Variants in PDE3B observed in about 807,000 individuals in gnomAD.
PDE3B encodes the protein phosphodiesterase 3B.
PDE3B carries 66 observed loss-of-function variants against 116.8 expected under a neutral mutation model. The ratio of observed to expected loss-of-function variants is 0.56; its 90% CI spans 0.46 to 0.69. The LOEUF (loss-of-function observed/expected upper bound fraction) is 0.69, where lower values mean the gene tolerates loss of function less well. Among genes scored for constraint, PDE3B ranks in the 30% least tolerant of loss-of-function variants. PDE3B has a pLI of 0.00. For missense variants in PDE3B, 1,384 were observed against 1,368.1 expected, an observed-to-expected ratio of 1.01 and a Z score of -0.18; for synonymous variants, 595 against 533.6, an observed-to-expected ratio of 1.12 and a Z score of -1.59.
intron 12 of PDE3B, among the ~76,000 whole-genome samples, chr11:14,851,315 T>C (rs1847745430): frequency 6.6e-6 from 1 of 152,156 alleles, no homozygotes; most frequent in Admixed American, 6.5e-5. Context: ...ATTCTATGTT[T>C]AAACCTTGGC....
At chr11:14,878,460 C>T in the PDE3B span, among the ~76,000 whole-genome samples, 1 of 152,050 alleles carries the variant, frequency 6.6e-6, no homozygotes, top group Non-Finnish European at 1.5e-5. Flanking sequence ...TAGAAATTGA[C>T]ACTTCAGCAA....
intron 1 of PDE3B, among the ~76,000 whole-genome samples, chr11:14,734,584 CTTATA>C (rs895143136): frequency 3.3e-5 from 5 of 152,050 alleles, no homozygotes; most frequent in African/African-American, 1.2e-4. Context: ...ACTTTTTCTT[CTTATA>C]TTAATAATAT....
intron 4 of PDE3B, among the ~76,000 whole-genome samples, chr11:14,800,175 C>T (rs1240049125): frequency 1.3e-5 from 2 of 152,116 alleles, no homozygotes; most frequent in Admixed American, 1.3e-4. Context: ...TTTTATTTCT[C>T]CTTCACTTAT....
In PDE3B at chr11:14,830,803, A is replaced by C; in HGVS notation, c.1913A>C (p.Asp638Ala). 6.5e-7 allele frequency: 1 copy of C among 1,540,176 alleles called. No homozygotes were observed. Among genetic ancestry groups the C allele is most frequent in the Non-Finnish European group, 8.7e-7 (1 of 1,149,474 alleles). ...AGCAGAAAATTATTTCAGGAAGGTG[A>C]TAAGTGGCTAACAGAAGAGGCACAG... ...KDSRKLFQEG[D>A]KWLTEEAQSE... is the part of the protein sequence containing the mutation. Residue 638 changes from aspartate to alanine, a missense_variant, in exon 8 of 16, where the codon GAT (aspartate) becomes GCT (alanine). By Grantham distance (126) the Asp-to-Ala change is moderately radical (BLOSUM62 -2). This residue lies in a region of PDE3B where 956 missense variants were observed against 806.8 expected (regional missense o/e 1.18). Transcript: ENST00000282096.
intron 7 of PDE3B, among the ~76,000 whole-genome samples, chr11:14,829,298 C>T (rs1479377503): frequency 6.6e-6 from 1 of 151,910 alleles, no homozygotes; most frequent in Non-Finnish European, 1.5e-5. Context: ...TACCACTAAA[C>T]TTAAAAAATA....
intron 14 of PDE3B, among the ~76,000 whole-genome samples, chr11:14,864,091 A>G (rs1051719636): frequency 6.6e-6 from 1 of 152,208 alleles, no homozygotes; most frequent in East Asian, 1.9e-4. Context: ...TAGGCTCAAA[A>G]TAAAGGGATG....
intron 5 of PDE3B, among the ~76,000 whole-genome samples, chr11:14,814,128 GTATC>G (rs1301263383): frequency 6.6e-6 from 1 of 152,040 alleles, no homozygotes; most frequent in Non-Finnish European, 1.5e-5. Flanking sequence ...ATCTGATAAA[GTATC>G]TATCAAAAAT....
intron 4 of PDE3B, among the ~76,000 whole-genome samples, chr11:14,793,914 C>T (rs1410176215): frequency 6.6e-6 from 1 of 152,164 alleles, no homozygotes; most frequent in Non-Finnish European, 1.5e-5. Context: ...TTCAAGAGGG[C>T]TAATTGTGTC....
intron 1 of PDE3B, among the ~76,000 whole-genome samples, chr11:14,701,784 T>C (rs539052736): frequency 1.6e-4 from 25 of 151,702 alleles, no homozygotes; most frequent in African/African-American, 6.0e-4. Flanking sequence ...GTGAACTAAG[T>C]AGTTCACTTT....
chr11:14,856,156 T>C (rs1847845438), intron 12 of PDE3B, among the ~76,000 whole-genome samples: 1 of 152,214 alleles, frequency 6.6e-6, no homozygotes, highest in African/African-American at 2.4e-5. Context: ...TTAAAAGTGG[T>C]AGTCTCCCCT....
At chr11:14,748,989 T>C (rs1856987023) in intron 1 of PDE3B, among the ~76,000 whole-genome samples, 1 of 151,542 alleles carries the variant, frequency 6.6e-6, no homozygotes, top group Admixed American at 6.6e-5. Context: ...CCTGGGTTCA[T>C]GTGATTCTCA....
intron 1 of PDE3B, among the ~76,000 whole-genome samples, chr11:14,751,987 T>C (rs1162632006): frequency 6.6e-6 from 1 of 152,146 alleles, no homozygotes; most frequent in African/African-American, 2.4e-5. Context: ...AGTCTGTTAA[T>C]GTGAGGTAAA....
chr11:14,736,632 C>T (rs956873733), intron 1 of PDE3B, among the ~76,000 whole-genome samples: 1 of 152,046 alleles, frequency 6.6e-6, no homozygotes, highest in Admixed American at 6.5e-5. Context: ...TGAATTTTGT[C>T]CTAGGGTATT....
chr11:14,862,961 G>A (rs1026134616), intron 14 of PDE3B, among the ~76,000 whole-genome samples: 1 of 151,906 alleles, frequency 6.6e-6, no homozygotes, highest in Non-Finnish European at 1.5e-5. Context: ...AGGTATACAC[G>A]TGCCATGGTG....
At chr11:14,755,860 A>T (rs980962899) in intron 1 of PDE3B, among the ~76,000 whole-genome samples, 1 of 152,212 alleles carries the variant, frequency 6.6e-6, no homozygotes, top group South Asian at 2.1e-4. Flanking sequence ...AAAGTTTGCT[A>T]ACTGTGAGCT....
intron 2 of PDE3B, among the ~76,000 whole-genome samples, chr11:14,778,846 T>G (rs961143986): frequency 1.3e-5 from 2 of 152,220 alleles, no homozygotes; most frequent in Non-Finnish European, 2.9e-5. Flanking sequence ...GAAGAAGGCT[T>G]CAGATGATTG....
intron 12 of PDE3B, among the ~76,000 whole-genome samples, chr11:14,856,853 CAAA>C (rs1247235011): frequency 3.3e-5 from 3 of 91,656 alleles, no homozygotes; most frequent in African/African-American, 3.8e-5. Context: ...GAGTCCATCT[CAAA>C]AAAAAAAAAA....
chr11:14,875,284 T>A (rs1466574657), downstream of PDE3B, among the ~76,000 whole-genome samples: 2 of 152,170 alleles, frequency 1.3e-5, no homozygotes, highest in Non-Finnish European at 2.9e-5. Context: ...TGATTTTATT[T>A]GTGGTTTTCT....
At chr11:14,762,584 A>G (rs1857391920) in intron 1 of PDE3B, among the ~76,000 whole-genome samples, 1 of 152,140 alleles carries the variant, frequency 6.6e-6, no homozygotes, top group Non-Finnish European at 1.5e-5. Context: ...GAGAGTGTTG[A>G]ACAAAGAAGT....
Sources: gnomAD v4.1 joint callset for allele counts (sites outside exome capture counted in the v4.1 genomes callset) on GRCh38, gnomAD v4.1.1 for gene constraint, gnomAD v4.1.1 regional missense constraint, MANE v1.5 for transcripts, NCBI Gene and HGNC (gene_info 2026-07-23, HGNC 2026-07-21) for gene names.